CATSPERT: variants seen among roughly 807,000 people sequenced by gnomAD.
CATSPERT encodes the protein cation channel sperm-associated targeting subunit tau.
chr2:201,603,395 T>C, the CATSPERT span: 1 of 762,538 alleles, frequency 1.3e-6, no homozygotes, highest in African/African-American at 1.8e-5. Context: ...TTTTTCTCAT[T>C]TGAAATATTG....
chr2:201,494,259 T>C, the CATSPERT span: 21 of 1,536,906 alleles, frequency 1.4e-5, no homozygotes, highest in Non-Finnish European at 1.8e-5. Flanking sequence ...TACTAACTTC[T>C]GGTTTAGAAA....
the CATSPERT span, chr2:201,619,128 C>T: frequency 6.2e-7 from 1 of 1,614,104 alleles, no homozygotes; most frequent in South Asian, 1.1e-5. Context: ...GGGGTGGCTC[C>T]ATCTCTCCAT....
the CATSPERT span, among the ~76,000 whole-genome samples, chr2:201,582,714 C>G: frequency 3.9e-5 from 6 of 152,148 alleles, no homozygotes; most frequent in Non-Finnish European, 5.9e-5. Context: ...ATTGCCTGAA[C>G]TTGAAACTCT....
chr2:201,506,243 G>A, the CATSPERT span, among the ~76,000 whole-genome samples: 2 of 151,630 alleles, frequency 1.3e-5, no homozygotes, highest in African/African-American at 4.9e-5. Context: ...CTCCAGCCTG[G>A]GCGACAGAGC....
chr2:201,592,091 T>C, the CATSPERT span, among the ~76,000 whole-genome samples: 4 of 152,194 alleles, frequency 2.6e-5, no homozygotes, highest in Admixed American at 2.0e-4. Context: ...CTTCCAGTTT[T>C]TGCCCATTCA....
chr2:201,565,007 T>G, the CATSPERT span, among the ~76,000 whole-genome samples: 1 of 129,998 alleles, frequency 7.7e-6, no homozygotes, highest in Non-Finnish European at 1.7e-5. Context: ...ATTGATTTAA[T>G]GGCAGAATAG....
the CATSPERT span, among the ~76,000 whole-genome samples, chr2:201,544,227 A>G: frequency 2.9e-3 from 443 of 152,212 alleles, 2 homozygotes; most frequent in Middle Eastern, 0.014. Flanking sequence ...CATGGTGTAT[A>G]TGTGCCGTAT....
At chr2:201,508,616 T>A in the CATSPERT span, among the ~76,000 whole-genome samples, 3 of 152,224 alleles carry the variant, frequency 2.0e-5, no homozygotes, top group Non-Finnish European at 2.9e-5. Context: ...TGGCGGCCCA[T>A]GCCTATAATC....
At chr2:201,584,651 C>T in the CATSPERT span, among the ~76,000 whole-genome samples, 8 of 151,752 alleles carry the variant, frequency 5.3e-5, no homozygotes, top group Non-Finnish European at 8.8e-5. Context: ...GGCATGGTGT[C>T]GCACGCCTGT....
At chr2:201,556,369 G>C in the CATSPERT span, among the ~76,000 whole-genome samples, 1 of 151,988 alleles carries the variant, frequency 6.6e-6, no homozygotes, top group African/African-American at 2.4e-5. Context: ...ATTAGCCAGG[G>C]GTGGTGGCGG....
chr2:201,515,229 T>TAG, the CATSPERT span, among the ~76,000 whole-genome samples: 377 of 76,378 alleles, frequency 4.9e-3, 69 homozygotes, highest in African/African-American at 0.027. Context: ...TTTTTTTTTT[T>TAG]TTTTTTTTTT....
chr2:201,547,565 T>G, the CATSPERT span: 1 of 1,554,226 alleles, frequency 6.4e-7, no homozygotes, highest in African/African-American at 1.4e-5. Flanking sequence ...TAGCTTTATC[T>G]ATCCATGTAT....
the CATSPERT span, among the ~76,000 whole-genome samples, chr2:201,588,943 C>T: frequency 6.6e-6 from 1 of 152,122 alleles, no homozygotes; most frequent in Non-Finnish European, 1.5e-5. Flanking sequence ...GCAAAAATCA[C>T]TAGCATTCCT....
the CATSPERT span, among the ~76,000 whole-genome samples, chr2:201,595,349 C>T: frequency 4.0e-5 from 6 of 151,848 alleles, no homozygotes; most frequent in South Asian, 6.2e-4. Flanking sequence ...CCACCTCGCC[C>T]GGCTAATTTT....
chr2:201,516,383 G>GAGA, the CATSPERT span, among the ~76,000 whole-genome samples: 2 of 152,176 alleles, frequency 1.3e-5, no homozygotes, highest in Non-Finnish European at 2.9e-5. Flanking sequence ...AGGGGAAAAA[G>GAGA]AGAAGCAAGC....
At chr2:201,530,950 G>GT in the CATSPERT span, among the ~76,000 whole-genome samples, 18 of 123,446 alleles carry the variant, frequency 1.5e-4, no homozygotes, top group Non-Finnish European at 3.0e-4. Context: ...GTTTTGTTTT[G>GT]TTTTTTGTGG....
chr2:201,544,102 T>C, the CATSPERT span, among the ~76,000 whole-genome samples: 3 of 152,296 alleles, frequency 2.0e-5, no homozygotes, highest in East Asian at 5.8e-4. Flanking sequence ...AGTGAGAACA[T>C]GCGGTGTTCG....
At chr2:201,501,132 C>T in the CATSPERT span, among the ~76,000 whole-genome samples, 2 of 151,962 alleles carry the variant, frequency 1.3e-5, 1 homozygote, top group African/African-American at 4.8e-5. Context: ...GGCATGGTGG[C>T]TTATGCCTGT....
the CATSPERT span, among the ~76,000 whole-genome samples, chr2:201,563,196 C>T: frequency 8.2e-6 from 1 of 121,570 alleles, no homozygotes; most frequent in Admixed American, 8.0e-5. Context: ...CGGGGGCTGA[C>T]CCCCCACCTC....
Sources: allele counts gnomAD v4.1 joint callset (sites outside exome capture counted in the v4.1 genomes callset), GRCh38; gene constraint gnomAD v4.1.1; transcripts MANE v1.5; gene names NCBI Gene and HGNC (gene_info 2026-07-23, HGNC 2026-07-21).